The following AFF2 variants were observed in gnomAD, a reference collection of about 807,000 sequenced individuals.
AFF2 encodes AF4/FMR2 family member 2.
AFF2 carries 14 observed loss-of-function variants against 76.9 expected under a neutral mutation model. That is an observed-to-expected ratio of 0.18 (90% confidence interval 0.12 to 0.28). The LOEUF is 0.28. Ranked by LOEUF, AFF2 falls within the 10% of genes least tolerant of loss-of-function variation. The probability of loss-of-function intolerance (pLI) is 1.00; values close to 1 mark genes in which losing one functional copy is unlikely to be tolerated. For synonymous variants in AFF2, 398 were observed against 366.7 expected (o/e 1.09, Z -0.98); for missense variants, 868 against 1,001.1 (o/e 0.87, Z 1.79).
Position 148,992,402 on chromosome X carries a change from A to G in AFF2, c.*1070A>G, listed in dbSNP as rs2072543295. 9.0e-6 allele frequency: 1 copy of G among 111,573 alleles called. No homozygotes were observed. The highest frequency in any genetic ancestry group is 1.9e-5 in the Non-Finnish European group (1 of 53,048). 9.2% of individuals were successfully genotyped at this position (111,573 alleles called of 1,213,427 possible). A position where few individuals can be genotyped will look rare whatever the true frequency, so the allele number is the denominator to read the frequency against. On this transcript the variant is annotated 3_prime_UTR_variant, in exon 21 of 21. Transcript: ENST00000370460. ...TCTTCCTAGTGGCTTGAAAATCTGG[A>G]CTTCCTCAATTATTATTCACATTTT...
At chrX:148,935,653 G>T (rs575444886) in intron 9 of AFF2, among the ~76,000 whole-genome samples, 1 of 111,649 alleles carries the variant, frequency 9.0e-6, no homozygotes, top group African/African-American at 3.2e-5. Context: ...GGCCAGACGG[G>T]AAATCAGGAC....
At chrX:148,586,116 G>C (rs143147687) in intron 1 of AFF2, among the ~76,000 whole-genome samples, 142 of 111,065 alleles carry the variant, frequency 1.3e-3, no homozygotes, top group Non-Finnish European at 3.8e-4. Context: ...CAATTTACTG[G>C]TAAGGGAAAA....
chrX:148,721,439 C>G (rs1194127979), intron 3 of AFF2, among the ~76,000 whole-genome samples: 1 of 111,775 alleles, frequency 8.9e-6, no homozygotes, highest in Non-Finnish European at 1.9e-5. Flanking sequence ...ACAAATGAAA[C>G]AAATGCATTG....
chrX:148,574,365 A>G (rs781923911), intron 1 of AFF2, among the ~76,000 whole-genome samples: 1 of 111,378 alleles, frequency 9.0e-6, no homozygotes, highest in African/African-American at 3.3e-5. Flanking sequence ...GAATAGCTCT[A>G]TAAGGGTTGG....
At chrX:148,628,613 A>C (rs1372503683) in intron 1 of AFF2, among the ~76,000 whole-genome samples, 1 of 111,521 alleles carries the variant, frequency 9.0e-6, no homozygotes, top group African/African-American at 3.3e-5. Context: ...CTATGAATGC[A>C]TGGCCTCCTT....
intron 7 of AFF2, among the ~76,000 whole-genome samples, chrX:148,860,761 C>T (rs1004971007): frequency 6.1e-4 from 68 of 111,697 alleles, no homozygotes; most frequent in African/African-American, 2.2e-3. Context: ...TTCTACTCTC[C>T]TAAGAAACTT....
At chrX:148,571,160 C>T (rs1414863801) in intron 1 of AFF2, among the ~76,000 whole-genome samples, 10 of 111,910 alleles carry the variant, frequency 8.9e-5, no homozygotes, top group Non-Finnish European at 1.7e-4. Flanking sequence ...GAAGCATTAG[C>T]TCAAAAAACC....
At chrX:148,864,019 ATCAAACTAGGGC>A (rs782664776) in intron 7 of AFF2, among the ~76,000 whole-genome samples, 4 of 111,513 alleles carry the variant, frequency 3.6e-5, no homozygotes, top group Non-Finnish European at 5.6e-5. Flanking sequence ...ATTAACCAGT[ATCAAACTAGGGC>A]TCAAAGATGC....
intron 1 of AFF2, among the ~76,000 whole-genome samples, chrX:148,538,897 T>C (rs1215928711): frequency 9.0e-6 from 1 of 111,390 alleles, no homozygotes; most frequent in Non-Finnish European, 1.9e-5. Flanking sequence ...TTTCTCTTAA[T>C]AGCTACCCAA....
rs1309799000 is a variant in AFF2 at position 148,967,047 on chromosome X, T to A, written c.3171T>A (p.Asn1057Lys). ...CCCTTCTATCCAGCAGCAGCACTAA[T>A]GTCCGGAGACCCAAGCTCACTTTTG... ...ALPLLSSSSTNVRRPKLTFDD... is the reference protein window; with the variant it reads ...ALPLLSSSSTKVRRPKLTFDD... Residue 1057 changes from asparagine (N) to lysine (K), a missense_variant, in exon 14 of 21, where the codon AAT becomes AAA. Around this residue, in one of 6 missense-constraint regions of AFF2, gnomAD observed 57 missense variants for 117.8 expected, o/e 0.48. Transcript: ENST00000370460. 4.1e-6 allele frequency: 5 copies of A among 1,209,393 alleles called. No homozygotes were observed. Among genetic ancestry groups the A allele is most frequent in the Non-Finnish European group, 5.6e-6 (5 of 895,206 alleles).
At chrX:148,785,232 C>G (rs936193399) in intron 3 of AFF2, among the ~76,000 whole-genome samples, 1 of 111,825 alleles carries the variant, frequency 8.9e-6, no homozygotes, top group Non-Finnish European at 1.9e-5. Flanking sequence ...GCTTTTAGTC[C>G]TGGATTTTAT....
In AFF2 at chrX:148,581,573, CGT is replaced by C. The variant is rs1557245009; in HGVS notation, c.48-70425_48-70424del. ...ACGTGTACACACATATATACGTATA[CGT>C]ATACGTGTACACACATATATACGTA... On this transcript the variant is annotated intron_variant, in intron 1 of 20. Transcript: ENST00000370460. 7.7e-4 allele frequency among the ~76,000 whole-genome samples: 78 copies of C among 101,896 alleles called. 4 individuals are homozygous for C. The highest frequency in any genetic ancestry group is 2.6e-3 in the African/African-American group (69 of 26,791). The allele number at this position is 101,896 out of a possible 115,157, so 88.5% of individuals were successfully genotyped here. A position where few individuals can be genotyped will look rare whatever the true frequency, so the allele number is the denominator to read the frequency against.
intron 2 of AFF2, among the ~76,000 whole-genome samples, chrX:148,652,716 T>A (rs2054214568): frequency 9.0e-6 from 1 of 111,669 alleles, no homozygotes; most frequent in Non-Finnish European, 1.9e-5. Context: ...CTAGTGGTAT[T>A]CTGACTAGTG....
intron 1 of AFF2, among the ~76,000 whole-genome samples, chrX:148,631,405 C>A (rs1557253049): frequency 1.4e-5 from 1 of 72,248 alleles, no homozygotes; most frequent in Non-Finnish European, 2.6e-5. Flanking sequence ...CAAGCACATA[C>A]GTAGAAGTAC....
At chrX:148,708,312 T>A (rs1557262563) in intron 3 of AFF2, among the ~76,000 whole-genome samples, 6 of 112,060 alleles carry the variant, frequency 5.4e-5, no homozygotes, top group African/African-American at 1.9e-4. Context: ...ATCAAAGATT[T>A]AAGCTGCCTC....
intron 5 of AFF2, 48 bp downstream of exon 5, chrX:148,837,781 A>G: frequency 1.1e-6 from 1 of 913,055 alleles, no homozygotes; most frequent in South Asian, 2.2e-5. Flanking sequence ...TTTTAATTAT[A>G]CCAATCTTCC....
intron 7 of AFF2, among the ~76,000 whole-genome samples, chrX:148,884,019 C>T (rs2071127952): frequency 9.0e-6 from 1 of 110,918 alleles, no homozygotes; most frequent in Non-Finnish European, 1.9e-5. Flanking sequence ...AAAGTAAAGC[C>T]ATTTATAATA....
At chrX:148,880,124 G>T (rs1180583666) in intron 7 of AFF2, among the ~76,000 whole-genome samples, 1 of 112,091 alleles carries the variant, frequency 8.9e-6, no homozygotes, top group Non-Finnish European at 1.9e-5. Context: ...CAAACTGGTT[G>T]TCACTGCCAC....
At chrX:148,584,042 A>C (rs1319019877) in intron 1 of AFF2, among the ~76,000 whole-genome samples, 10 of 111,621 alleles carry the variant, frequency 9.0e-5, no homozygotes, top group Non-Finnish European at 1.7e-4. Context: ...AATATACTTA[A>C]GTTTGCTTAT....
Sources: gnomAD v4.1 joint callset for allele counts (sites outside exome capture counted in the v4.1 genomes callset) on GRCh38, gnomAD v4.1.1 for gene constraint, gnomAD v4.1.1 regional missense constraint, MANE v1.5 for transcripts, NCBI Gene and HGNC (gene_info 2026-07-23, HGNC 2026-07-21) for gene names.